Variants in SLC35F3 observed in about 807,000 individuals in gnomAD.
SLC35F3 encodes the protein solute carrier family 35 member F3.
Under a neutral mutation model 49.9 loss-of-function variants are expected in SLC35F3, and 25 were observed. That is an observed-to-expected ratio of 0.50 (90% CI 0.37 to 0.70). The LOEUF (loss-of-function observed/expected upper bound fraction) is 0.70. Among genes scored for constraint, SLC35F3 ranks in the 30% least tolerant of loss-of-function variants. The pLI is 0.00. For synonymous variants in SLC35F3, 275 were observed against 265.4 expected, an observed-to-expected ratio of 1.04 and a Z score of -0.35; for missense variants, 525 against 639.8, an observed-to-expected ratio of 0.82 and a Z score of 1.94.
chr1:234,141,951 GTA>G (rs1665919956), intron 2 of SLC35F3, among the ~76,000 whole-genome samples: 1 of 152,138 alleles, frequency 6.6e-6, no homozygotes, highest in Non-Finnish European at 1.5e-5. Context: ...TTATTTCACT[GTA>G]TTGTAATTAT....
chr1:234,320,073 T>C lies in SLC35F3; in HGVS notation c.1148-25T>C, dbSNP rs1657580044. On this transcript the variant is annotated intron_variant, in intron 6 of 7. Transcript: ENST00000366618. The surrounding 1 kb of genome is among the most constrained non-coding windows in gnomAD (Gnocchi z 4.8). ...AGTACACAGCAGTCATGAATAACAC[T>C]CGTTGTTTACATTCTTTATTTCAGC... 1 of 1,514,772 alleles carries C rather than the reference T, an allele frequency of 6.6e-7. No individual in the cohort carries two copies. Among genetic ancestry groups the C allele is most frequent in the African/African-American group, 1.4e-5 (1 of 72,896 alleles). The allele number at this position is 1,514,772 out of a possible 1,614,324, so 93.8% of individuals were successfully genotyped here.
In SLC35F3 at chr1:234,162,381, C is replaced by CA. The variant is rs147145054; in HGVS notation, c.284-69007dup. Among the ~76,000 whole-genome samples, 23 of 58,566 alleles carry CA rather than the reference C, an allele frequency of 3.9e-4. 1 individual carries two copies. Among genetic ancestry groups the CA allele is most frequent in the Non-Finnish European group, 5.9e-4 (20 of 33,746 alleles). The allele number at this position is 58,566 out of a possible 152,430, so 38.4% of individuals were successfully genotyped here. A position where few individuals can be genotyped will look rare whatever the true frequency, so the allele number is the denominator to read the frequency against. On this transcript the variant is annotated intron_variant, in intron 2 of 7. Coordinates refer to ENST00000366618, the MANE Select transcript of SLC35F3 (RefSeq NM_173508.4). ...AGGAACATTCAACTAAGCCTCTGTGCAAAAAAAAAAAAAAAAAAAAAAAAA... is the reference window on the plus strand; with the variant it reads ...AGGAACATTCAACTAAGCCTCTGTGCAAAAAAAAAAAAAAAAAAAAAAAAAA...
chr1:234,179,988 G>T (rs1666532704), intron 2 of SLC35F3, among the ~76,000 whole-genome samples: 1 of 152,036 alleles, frequency 6.6e-6, no homozygotes, highest in Admixed American at 6.5e-5. Flanking sequence ...GAAAATTTCA[G>T]CAGTTCAGCA....
chr1:233,918,692 G>A (rs1362902003), intron 2 of SLC35F3, among the ~76,000 whole-genome samples: 20 of 152,014 alleles, frequency 1.3e-4, no homozygotes, highest in Non-Finnish European at 2.8e-4. Flanking sequence ...GCTTGAGCCT[G>A]GGAGGCGGAG....
intron 2 of SLC35F3, among the ~76,000 whole-genome samples, chr1:233,938,372 C>G (rs116198991): frequency 0.021 from 3,250 of 152,102 alleles, 114 homozygotes; most frequent in African/African-American, 0.074. Context: ...CTTTCTGTGG[C>G]TCTCCTAGGA....
chr1:234,180,460 A>G (rs1349745068), intron 2 of SLC35F3, among the ~76,000 whole-genome samples: 1 of 152,188 alleles, frequency 6.6e-6, no homozygotes, highest in African/African-American at 2.4e-5. Context: ...CCTCCCTGCT[A>G]AGTGAGACCT....
At chr1:234,141,739 A>C (rs1391016600) in intron 2 of SLC35F3, among the ~76,000 whole-genome samples, 1 of 152,050 alleles carries the variant, frequency 6.6e-6, no homozygotes, top group Non-Finnish European at 1.5e-5. Context: ...ACCACTTGCT[A>C]AGTCCTCTCT....
chr1:234,239,246 C>A (rs912895123), intron 3 of SLC35F3, among the ~76,000 whole-genome samples: 1 of 152,136 alleles, frequency 6.6e-6, no homozygotes, highest in Non-Finnish European at 1.5e-5. Context: ...TTTTGAGGAT[C>A]AGTTAATCTT....
At chr1:233,927,888 AAAGT>A (rs1285636681) in intron 2 of SLC35F3, among the ~76,000 whole-genome samples, 1 of 152,194 alleles carries the variant, frequency 6.6e-6, no homozygotes, top group African/African-American at 2.4e-5. Context: ...ATAGATATAA[AAAGT>A]AATGTAGTAG....
At chr1:234,177,459 G>A (rs1666493438) in intron 2 of SLC35F3, among the ~76,000 whole-genome samples, 1 of 152,206 alleles carries the variant, frequency 6.6e-6, no homozygotes, top group African/African-American at 2.4e-5. Context: ...CTTTGTGAGT[G>A]AGGAAGCCAG....
chr1:233,941,399 A>G (rs1000346570), intron 2 of SLC35F3, among the ~76,000 whole-genome samples: 2 of 152,184 alleles, frequency 1.3e-5, no homozygotes, highest in Non-Finnish European at 2.9e-5. Flanking sequence ...CTATATAACA[A>G]TTGTCACTAA....
At chr1:234,097,001 T>G (rs1050679879) in intron 2 of SLC35F3, among the ~76,000 whole-genome samples, 1 of 151,984 alleles carries the variant, frequency 6.6e-6, no homozygotes, top group East Asian at 1.9e-4. Flanking sequence ...GCGATTCTCC[T>G]GCCTCAGCCT....
At chr1:234,096,286 GC>G (rs1665116651) in intron 2 of SLC35F3, among the ~76,000 whole-genome samples, 1 of 151,804 alleles carries the variant, frequency 6.6e-6, no homozygotes, top group Non-Finnish European at 1.5e-5. Flanking sequence ...TTTTTCCTCG[GC>G]TCTCCCAGCC....
chr1:234,182,694 G>A (rs750974468), intron 2 of SLC35F3, among the ~76,000 whole-genome samples: 25 of 152,146 alleles, frequency 1.6e-4, no homozygotes, highest in Non-Finnish European at 2.5e-4. Flanking sequence ...AGCAATGACC[G>A]ACAGTGCCCA....
intron 4 of SLC35F3, among the ~76,000 whole-genome samples, chr1:234,314,786 C>T (rs1657444327): frequency 6.6e-6 from 1 of 152,108 alleles, no homozygotes; most frequent in African/African-American, 2.4e-5. Context: ...AACAAAAAAG[C>T]TATCTCCAAA....
chr1:233,987,609 A>G (rs1663287686), intron 2 of SLC35F3, among the ~76,000 whole-genome samples: 1 of 151,964 alleles, frequency 6.6e-6, no homozygotes, highest in Non-Finnish European at 1.5e-5. Flanking sequence ...TGACCTTGTG[A>G]CTTTTAAAAT....
At chr1:234,154,023 C>T (rs1666114881) in intron 2 of SLC35F3, among the ~76,000 whole-genome samples, 1 of 151,572 alleles carries the variant, frequency 6.6e-6, no homozygotes, top group South Asian at 2.1e-4. Context: ...GATCACACCA[C>T]TGCACTCCAG....
At chr1:234,197,824 A>G (rs568320768) in intron 2 of SLC35F3, among the ~76,000 whole-genome samples, 17 of 152,388 alleles carry the variant, frequency 1.1e-4, no homozygotes, top group Admixed American at 9.8e-4. Context: ...CACCAGCATC[A>G]GGTTGTAATG....
At chr1:234,021,321 G>T (rs1186557210) in intron 2 of SLC35F3, among the ~76,000 whole-genome samples, 1 of 152,188 alleles carries the variant, frequency 6.6e-6, no homozygotes. Context: ...TTTTGATATT[G>T]TGTTCTAACA....
Sources: allele counts gnomAD v4.1 joint callset (sites outside exome capture counted in the v4.1 genomes callset), GRCh38; gene constraint gnomAD v4.1.1; non-coding constraint Gnocchi (gnomAD v3.1); transcripts MANE v1.5; gene names NCBI Gene and HGNC (gene_info 2026-07-23, HGNC 2026-07-21).